The following CMBL variants were observed in gnomAD, a reference collection of about 807,000 sequenced individuals.
CMBL encodes carboxymethylenebutenolidase homolog (Pseudomonas).
A neutral mutation model predicts 28.7 loss-of-function variants in CMBL; 17 were observed. The observed-to-expected ratio is 0.59, with a 90% confidence interval of 0.41 to 0.89. The LOEUF is 0.89. Ranked by LOEUF, CMBL falls within the 40% of genes least tolerant of loss-of-function variation. The pLI is 0.00. For synonymous variants in CMBL, 106 were observed against 101.6 expected (o/e 1.04, Z -0.26); for missense variants, 310 against 298.5 (o/e 1.04, Z -0.28).
At chr5:10,280,669 G>A in intron 5 of CMBL, 37 bp from the exon 6 acceptor site, 2 of 1,535,488 alleles carry the variant, frequency 1.3e-6, no homozygotes, top group South Asian at 1.2e-5. Flanking sequence ...TAACCCTTTA[G>A]TGATACTTTC....
rs144266656 is a variant in CMBL at position 10,278,579 on chromosome 5, C to T, written c.*1874G>A. Among the ~76,000 whole-genome samples the T allele has an allele frequency of 6.0e-4, 92 of 152,210 alleles. No homozygotes were observed. Among genetic ancestry groups the T allele is most frequent in the Admixed American group, 3.3e-3 (50 of 15,274 alleles). Reference sequence around the variant, plus strand: ...TTGGCTCATAGCTCCCTCTCTCTCTCGTTCTCCACCTTCTGGTTGAGCCCA... The same window carrying T: ...TTGGCTCATAGCTCCCTCTCTCTCTTGTTCTCCACCTTCTGGTTGAGCCCA... On this transcript the variant is annotated 3_prime_UTR_variant, in exon 6 of 6. Transcript: ENST00000296658.
At chr5:10,280,908 GGAT>G (rs1481586667) in intron 5 of CMBL, among the ~76,000 whole-genome samples, 6 of 152,174 alleles carry the variant, frequency 3.9e-5, no homozygotes, top group Non-Finnish European at 8.8e-5. Flanking sequence ...GGAGAAGCCG[GGAT>G]GACAGGCACC....
rs1316759226 is a variant in CMBL, at chr5:10,279,247, TCTG to T, written c.*1203_*1205del. ...GGGTGACAACTCTAGCCCACCGTTCTCTGCTATCTTTTTAAAAAAGCTGCAAAT... is the reference window on the plus strand; with the variant it reads ...GGGTGACAACTCTAGCCCACCGTTCTCTATCTTTTTAAAAAAGCTGCAAAT... On this transcript the variant is annotated 3_prime_UTR_variant, in exon 6 of 6. Transcript: ENST00000296658. 1 of 152,216 alleles carries T rather than the reference TCTG, an allele frequency of 6.6e-6. No homozygotes were observed. Among genetic ancestry groups the T allele is most frequent in the African/African-American group, 2.4e-5 (1 of 41,456 alleles). The allele number at this position is 152,216 out of a possible 1,614,324, so 9.4% of individuals were successfully genotyped here.
At chr5:10,284,161 T>G (rs1746553534) in intron 4 of CMBL, among the ~76,000 whole-genome samples, 1 of 152,208 alleles carries the variant, frequency 6.6e-6, no homozygotes, top group African/African-American at 2.4e-5. Flanking sequence ...GCTCACGCAC[T>G]ACACAACAGC....
intron 1 of CMBL, among the ~76,000 whole-genome samples, chr5:10,299,614 G>C (rs1163306383): frequency 2.0e-5 from 3 of 151,966 alleles, no homozygotes; most frequent in African/African-American, 7.3e-5. Context: ...CAAGGCCGGG[G>C]GGATCATTTG....
Position 10,288,485 on chromosome 5 carries a change from G to A in CMBL, c.260C>T (p.Pro87Leu), listed in dbSNP as rs200101126. 47 of 1,613,932 alleles carry A rather than the reference G, an allele frequency of 2.9e-5. No homozygotes were observed. Among genetic ancestry groups the A allele is most frequent in the Non-Finnish European group, 3.8e-5 (45 of 1,179,960 alleles). The part of the protein sequence containing the change: ...DFFVGQEPWD[P>L]SGDWSIFPEW... ...AGGGAAGATAGACCAGTCGCCAGAG[G>A]GGTCCCAAGGCTCTTGCCCTACAAA... Residue 87 changes from proline (P) to leucine (L), a missense_variant, in exon 3 of 6, where the codon CCC becomes CTC. By Grantham distance (98) the Pro-to-Leu change is moderately conservative. Coordinates refer to ENST00000296658, the MANE Select transcript of CMBL (RefSeq NM_138809.4).
At chr5:10,295,635 A>T (rs1746796332) in intron 1 of CMBL, among the ~76,000 whole-genome samples, 1 of 152,176 alleles carries the variant, frequency 6.6e-6, no homozygotes, top group South Asian at 2.1e-4. Flanking sequence ...GGGCCCAGAG[A>T]GCTGGCTTCC....
intron 4 of CMBL, among the ~76,000 whole-genome samples, chr5:10,285,028 G>A (rs955917580): frequency 5.3e-5 from 8 of 150,882 alleles, no homozygotes; most frequent in Non-Finnish European, 1.5e-5. Context: ...AAGAGACAAG[G>A]TCTCACTCCC....
chr5:10,297,943 A>C (rs940939429), intron 1 of CMBL, among the ~76,000 whole-genome samples: 1 of 152,214 alleles, frequency 6.6e-6, no homozygotes, highest in East Asian at 1.9e-4. Flanking sequence ...TCAGCAGCTC[A>C]GGGTGAGAGG....
At chr5:10,288,292 GGGAA>G in intron 3 of CMBL, 126 bp downstream of exon 3, 1 of 702,086 alleles carries the variant, frequency 1.4e-6, no homozygotes, top group Non-Finnish European at 2.5e-6. Context: ...TTTGTGCCAG[GGGAA>G]GGATTCCATT....
intron 1 of CMBL, among the ~76,000 whole-genome samples, chr5:10,299,611 G>A (rs183382761): frequency 1.3e-3 from 199 of 152,088 alleles, no homozygotes; most frequent in Non-Finnish European, 2.4e-3. Flanking sequence ...GGCCAAGGCC[G>A]GGGGGATCAT....
At chr5:10,283,531 A>C (rs1376690026) in intron 4 of CMBL, among the ~76,000 whole-genome samples, 3 of 152,182 alleles carry the variant, frequency 2.0e-5, no homozygotes, top group Non-Finnish European at 4.4e-5. Context: ...TAATCCCAGC[A>C]CTTTGGGAGG....
intron 4 of CMBL, among the ~76,000 whole-genome samples, chr5:10,284,562 G>T (rs1043876424): frequency 7.2e-5 from 11 of 152,206 alleles, no homozygotes; most frequent in Admixed American, 5.9e-4. Flanking sequence ...TTTCAGTACA[G>T]AATTCAATAA....
chr5:10,280,612 C>T lies in CMBL; in HGVS notation c.579G>A (p.Lys193=). ...PLKDVSLLTQ[K]LKEHCKVEYQ... is the part of the protein sequence containing the mutation. The stretch of plus-strand genomic sequence containing the variant: ...ATTCAACTTTGCAGTGTTCTTTCAA[C>T]TTCTGAGTCAGCAAAGATACCTGGT... The change falls in exon 6 of 6, where the codon AAG becomes AAA. Residue 193 remains lysine (K), a synonymous_variant. Transcript: ENST00000296658. The T allele has an allele frequency of 6.2e-7, 1 of 1,606,108 alleles. No homozygotes were observed. The highest frequency in any genetic ancestry group is 8.5e-7 in the Non-Finnish European group (1 of 1,173,406).
intron 1 of CMBL, among the ~76,000 whole-genome samples, chr5:10,301,704 C>G (rs918818124): frequency 1.3e-5 from 2 of 150,552 alleles, no homozygotes; most frequent in South Asian, 4.2e-4. Flanking sequence ...CAGGTTCAAG[C>G]GATTCTCCTG....
intron 1 of CMBL, among the ~76,000 whole-genome samples, chr5:10,293,826 C>T (rs1445746837): frequency 6.6e-6 from 1 of 152,198 alleles, no homozygotes; most frequent in African/African-American, 2.4e-5. Context: ...AATCCCTGAC[C>T]TCAGGAAGCA....
In CMBL at chr5:10,280,270, C is replaced by G; in HGVS notation, c.*183G>C. Reference sequence around the variant, plus strand: ...TGTTTTTAAATTATGATTCGATGTACATGTCAAAAATTAAATTATTTCATG... The same window carrying G: ...TGTTTTTAAATTATGATTCGATGTAGATGTCAAAAATTAAATTATTTCATG... On this transcript the variant is annotated 3_prime_UTR_variant, in exon 6 of 6. Transcript: ENST00000296658. The G allele has an allele frequency of 1.6e-5, 8 of 505,410 alleles. No individual in the cohort carries two copies. The Admixed American group carries it at 2.0e-4, about 13-fold the overall frequency. The allele number at this position is 505,410 out of a possible 1,614,324, so 31.3% of individuals were successfully genotyped here.
At chr5:10,280,755 G>A (rs966870086) in intron 5 of CMBL, 123 bp from the exon 6 acceptor site, 16 of 842,076 alleles carry the variant, frequency 1.9e-5, no homozygotes, top group African/African-American at 3.4e-5. Context: ...AAGTTCCACA[G>A]TTACACTGAA....
intron 4 of CMBL, among the ~76,000 whole-genome samples, chr5:10,283,544 A>G (rs540143117): frequency 5.2e-4 from 79 of 152,274 alleles, no homozygotes; most frequent in African/African-American, 1.8e-3. Context: ...TTGGGAGGCC[A>G]AGGCGGGGTG....
Sources: gnomAD v4.1 joint callset for allele counts (sites outside exome capture counted in the v4.1 genomes callset) on GRCh38, gnomAD v4.1.1 for gene constraint, MANE v1.5 for transcripts, NCBI Gene and HGNC (gene_info 2026-07-23, HGNC 2026-07-21) for gene names.